The following EDAR variants were observed in gnomAD, a reference collection of about 807,000 sequenced individuals.
EDAR encodes the protein tumor necrosis factor receptor superfamily member EDAR.
In EDAR, 38 loss-of-function variants were observed where a neutral mutation model predicts 51.3. The ratio of observed to expected loss-of-function variants is 0.74; its 90% CI spans 0.57 to 0.97. The LOEUF (loss-of-function observed/expected upper bound fraction) is 0.97. Ranked by LOEUF, EDAR falls within the 50% of genes least tolerant of loss-of-function variation. The pLI is 0.00. For synonymous variants in EDAR, 227 were observed against 242.1 expected, an observed-to-expected ratio of 0.94 and a Z score of 0.58; for missense variants, 528 against 595.0, an observed-to-expected ratio of 0.89 and a Z score of 1.17.
At chr2:108,935,831 C>G (rs960876928) in intron 1 of EDAR, among the ~76,000 whole-genome samples, 1 of 152,228 alleles carries the variant, frequency 6.6e-6, no homozygotes, top group African/African-American at 2.4e-5. Context: ...GGGAGCCAGA[C>G]ATGGAAGACA....
chr2:108,944,500 T>C (rs574882651), intron 1 of EDAR, among the ~76,000 whole-genome samples: 225 of 152,388 alleles, frequency 1.5e-3, no homozygotes, highest in African/African-American at 5.4e-3. Context: ...CTGTTGCCTC[T>C]AACCTCATGG....
At chr2:108,986,841 G>T (rs1698508250) in intron 1 of EDAR, among the ~76,000 whole-genome samples, 1 of 152,202 alleles carries the variant, frequency 6.6e-6, no homozygotes, top group African/African-American at 2.4e-5. Context: ...TAGGCATTGA[G>T]ATGGAGGCGG....
At position 108,896,789 on chromosome 2, in the gene EDAR, A is replaced by T. The variant is rs1418116382; in HGVS notation, c.*118T>A. On this transcript the variant is annotated 3_prime_UTR_variant, in exon 12 of 12. Transcript: ENST00000258443. ...TCTGGCTCCTTGAACATCCTAAGGC[A>T]TACGGTGACATATCACAAAAGCCTT... 1 of 994,288 alleles carries T rather than the reference A, an allele frequency of 1.0e-6. No individual in the cohort carries two copies. The highest frequency in any genetic ancestry group is 1.5e-6 in the Non-Finnish European group (1 of 669,554). The allele number at this position is 994,288 out of a possible 1,614,324, so 61.6% of individuals were successfully genotyped here. A position where few individuals can be genotyped will look rare whatever the true frequency, so the allele number is the denominator to read the frequency against.
chr2:108,944,182 C>T (rs538285076), intron 1 of EDAR, among the ~76,000 whole-genome samples: 3 of 152,314 alleles, frequency 2.0e-5, no homozygotes, highest in Admixed American at 6.5e-5. Context: ...GGCACGATCT[C>T]GGCTCACTGC....
At chr2:108,923,001 A>G (rs1213565825) in intron 5 of EDAR, among the ~76,000 whole-genome samples, 1 of 152,210 alleles carries the variant, frequency 6.6e-6, no homozygotes, top group Non-Finnish European at 1.5e-5. Context: ...AGTACTTTGC[A>G]AAATAGTAGT....
chr2:108,950,722 T>C (rs1697810529), intron 1 of EDAR, among the ~76,000 whole-genome samples: 1 of 152,180 alleles, frequency 6.6e-6, no homozygotes, highest in South Asian at 2.1e-4. Context: ...TGAGTCCAGT[T>C]CTCCGGGAAT....
chr2:108,923,824 C>A (rs1256180965), intron 4 of EDAR, among the ~76,000 whole-genome samples: 1 of 152,252 alleles, frequency 6.6e-6, no homozygotes, highest in East Asian at 1.9e-4. Context: ...CAAGGCCAGA[C>A]CTTCCTGGAG....
intron 1 of EDAR, among the ~76,000 whole-genome samples, chr2:108,941,560 C>T (rs1697596473): frequency 6.6e-6 from 1 of 152,194 alleles, no homozygotes; most frequent in African/African-American, 2.4e-5. Context: ...CTCTGAGGGT[C>T]CTCTGCACCA....
At chr2:108,923,517 G>T (rs1209236259) in intron 4 of EDAR, 64 bp from the exon 5 acceptor site, 2 of 1,503,050 alleles carry the variant, frequency 1.3e-6, no homozygotes, top group East Asian at 4.5e-5. Flanking sequence ...GCAGGGACTG[G>T]TGCAGAGAGC....
At chr2:108,898,891 A>C (rs1696651437) in intron 11 of EDAR, among the ~76,000 whole-genome samples, 1 of 152,242 alleles carries the variant, frequency 6.6e-6, no homozygotes. Flanking sequence ...TCAATCAGAG[A>C]AAATAAACTG....
intron 1 of EDAR, among the ~76,000 whole-genome samples, chr2:108,982,046 T>TA (rs1293368053): frequency 2.6e-5 from 4 of 152,216 alleles, no homozygotes; most frequent in African/African-American, 9.6e-5. Context: ...CAGGGACAGA[T>TA]GTTTAACGGC....
At chr2:108,929,083 G>A (rs1558813771) in intron 4 of EDAR, 115 bp downstream of exon 4, 13 of 1,228,960 alleles carry the variant, frequency 1.1e-5, no homozygotes, top group East Asian at 5.0e-5. Flanking sequence ...CCAGGTGTGC[G>A]GCTGCACCGA....
chr2:108,921,099 A>AC (rs1697129451), intron 5 of EDAR, among the ~76,000 whole-genome samples: 1 of 151,842 alleles, frequency 6.6e-6, no homozygotes, highest in South Asian at 2.1e-4. Flanking sequence ...CCTGCGAATC[A>AC]CCCCCCTGAA....
At chr2:108,898,378 G>A (rs1223162747) in intron 11 of EDAR, among the ~76,000 whole-genome samples, 1 of 152,180 alleles carries the variant, frequency 6.6e-6, no homozygotes, top group African/African-American at 2.4e-5. Flanking sequence ...TTGAGTGTTA[G>A]TGAAGGTTGA....
At chr2:108,921,123 CAG>C (rs1312723279) in intron 5 of EDAR, among the ~76,000 whole-genome samples, 1 of 152,218 alleles carries the variant, frequency 6.6e-6, no homozygotes, top group African/African-American at 2.4e-5. Flanking sequence ...CTCTGCTTCA[CAG>C]AGGTGCAGAG....
chr2:108,960,971 T>C (rs1000845684), intron 1 of EDAR, among the ~76,000 whole-genome samples: 14 of 152,180 alleles, frequency 9.2e-5, no homozygotes, highest in African/African-American at 3.4e-4. Context: ...ACAACGTACA[T>C]AAAAGACACA....
chr2:108,928,765 C>A lies in EDAR; in HGVS notation c.356+433G>T, dbSNP rs372096883. Among the ~76,000 whole-genome samples, 4 of 152,186 alleles carry A rather than the reference C, an allele frequency of 2.6e-5. No homozygotes were observed. The East Asian group carries it at 5.8e-4, about 22-fold the overall frequency. On this transcript the variant is annotated intron_variant, in intron 4 of 11. Transcript: ENST00000258443. ...TTTTTGAAGACTTCTGATGCATAAT[C>A]ATTTTGGAGGGATTATAGGTATCAT...
At chr2:108,915,812 G>A (rs1189175621) in intron 5 of EDAR, among the ~76,000 whole-genome samples, 1 of 152,064 alleles carries the variant, frequency 6.6e-6, no homozygotes, top group Non-Finnish European at 1.5e-5. Flanking sequence ...CAAGAGAATC[G>A]CTGGAACCCG....
intron 1 of EDAR, among the ~76,000 whole-genome samples, chr2:108,974,261 C>T (rs566659024): frequency 0.012 from 1,523 of 125,138 alleles, 16 homozygotes; most frequent in Non-Finnish European, 0.019. Flanking sequence ...ACCCGGGAGG[C>T]GGAGCTTGCA....
Sources: gnomAD v4.1 joint callset for allele counts (sites outside exome capture counted in the v4.1 genomes callset) on GRCh38, gnomAD v4.1.1 for gene constraint, MANE v1.5 for transcripts, NCBI Gene and HGNC (gene_info 2026-07-23, HGNC 2026-07-21) for gene names.